The following HPS4 variants were observed in gnomAD, a reference collection of about 807,000 sequenced individuals.
HPS4 encodes HPS4 biogenesis of lysosomal organelles complex 3 subunit 2, also known as BLOC-3 complex member HPS4.
A neutral mutation model predicts 70.3 loss-of-function variants in HPS4; 44 were observed. That is an observed-to-expected ratio of 0.63 (90% CI 0.49 to 0.80). The LOEUF is 0.80. Ranked by LOEUF, HPS4 falls within the 30% of genes least tolerant of loss-of-function variation. The probability of loss-of-function intolerance (pLI) is 0.00; values close to 1 mark genes in which losing one functional copy is unlikely to be tolerated. For missense variants in HPS4, 873 were observed against 884.4 expected (o/e 0.99, Z 0.16); for synonymous variants, 377 against 355.9 (o/e 1.06, Z -0.67).
chr22:26,443,161 G>T, downstream of HPS4: 1 of 1,614,126 alleles, frequency 6.2e-7, no homozygotes, highest in Non-Finnish European at 8.5e-7. Flanking sequence ...ACGTCGCAGC[G>T]GCCGAACGGC....
intron 3 of HPS4, among the ~76,000 whole-genome samples, chr22:26,477,830 A>G (rs1397732770): frequency 6.6e-6 from 1 of 152,224 alleles, no homozygotes; most frequent in Non-Finnish European, 1.5e-5. Context: ...GGACATTCTA[A>G]CACTCTACTA....
At chr22:26,455,498 C>A (rs1342402461) in intron 13 of HPS4, among the ~76,000 whole-genome samples, 1 of 146,594 alleles carries the variant, frequency 6.8e-6, no homozygotes, top group Non-Finnish European at 1.5e-5. Context: ...AACCAAACAC[C>A]ACATGTTCTC....
In HPS4 at chr22:26,479,350, T is replaced by C. The variant is rs1156766201; in HGVS notation, c.47A>G (p.Asn16Ser). The change falls in exon 3 of 14, where the codon AAT becomes AGT. Residue 16 changes from asparagine to serine, a missense_variant. By Grantham distance (46) the Asn-to-Ser change is conservative. Transcript: ENST00000398145. The part of the protein sequence containing the change: ...STEAKSASWW[N>S]YFFLYDGSKV... Reference sequence around the variant, plus strand: ...GGAACCATCATAAAGAAAAAAATAATTCCACCTGGCAAGAGAACAGAGTGG... The same window carrying C: ...GGAACCATCATAAAGAAAAAAATAACTCCACCTGGCAAGAGAACAGAGTGG... 6.2e-7 allele frequency: 1 copy of C among 1,614,048 alleles called. No individual in the cohort carries two copies. The highest frequency in any genetic ancestry group is 1.7e-5 in the Admixed American group (1 of 60,000).
intron 11 of HPS4, among the ~76,000 whole-genome samples, chr22:26,461,211 T>G (rs569410416): frequency 9.8e-5 from 15 of 152,332 alleles, no homozygotes; most frequent in Admixed American, 2.0e-4. Context: ...GTTTCCCAGT[T>G]GGGGGAAGGT....
In HPS4 at chr22:26,451,546, T is replaced by A. The variant is rs3752588; in HGVS notation, c.*1687A>T. On this transcript the variant is annotated 3_prime_UTR_variant, in exon 14 of 14. Transcript: ENST00000398145. ...CATGAGACTTTTCCATATACACGGATAGGCTTTGTACGGTTCCATTTTGGG... is the reference window on the plus strand; with the variant it reads ...CATGAGACTTTTCCATATACACGGAAAGGCTTTGTACGGTTCCATTTTGGG... The A allele has an allele frequency of 6.6e-6, 1 of 152,168 alleles. No individual in the cohort carries two copies. Among genetic ancestry groups the A allele is most frequent in the African/African-American group, 2.4e-5 (1 of 41,434 alleles). The allele number at this position is 152,168 out of a possible 1,614,324, so 9.4% of individuals were successfully genotyped here.
At position 26,464,110 on chromosome 22, in the gene HPS4, T is replaced by A. The variant is rs763311479; in HGVS notation, c.1520A>T (p.Glu507Val). 15 of 1,614,254 alleles carry A rather than the reference T, an allele frequency of 9.3e-6. No homozygotes were observed. The highest frequency in any genetic ancestry group is 1.2e-5 in the Non-Finnish European group (14 of 1,180,042). ...VCESHAAPGL[E>V]CSSGSANCQG... is the part of the protein sequence containing the mutation. ...ACAGTTTGCTGAGCCTGAACTGCAT[T>A]CCAGACCAGGGGCTGCGTGGCTTTC... The change falls in exon 11 of 14, where the codon GAA (glutamate) becomes GTA (valine). Residue 507 changes from glutamate (E) to valine (V), a missense_variant. By Grantham distance (121) the Glu-to-Val change is moderately radical. Coordinates refer to ENST00000398145, the MANE Select transcript of HPS4 (RefSeq NM_022081.6).
downstream of HPS4, among the ~76,000 whole-genome samples, chr22:26,448,357 A>G (rs149650546): frequency 1.3e-5 from 2 of 152,378 alleles, no homozygotes; most frequent in African/African-American, 4.8e-5. Context: ...ATTTCCAGCA[A>G]TAAGTGGCAG....
At chr22:26,473,477 T>C (rs945809810) in intron 4 of HPS4, among the ~76,000 whole-genome samples, 1 of 152,152 alleles carries the variant, frequency 6.6e-6, no homozygotes, top group African/African-American at 2.4e-5. Flanking sequence ...CCACAGAAGA[T>C]AAATACTTGG....
rs2091330559 is a variant in HPS4, at chr22:26,481,980, C to T, written c.-218G>A. The stretch of plus-strand genomic sequence containing the variant: ...AGGTTCTTCAGTTTCATGTATATTT[C>T]CATGCCTCTTACAACTCAGGGAGAA... On this transcript the variant is annotated 5_prime_UTR_variant, in exon 2 of 14. Transcript: ENST00000398145. The T allele has an allele frequency of 1.7e-6, 1 of 579,186 alleles. No individual in the cohort carries two copies. The highest frequency in any genetic ancestry group is 3.0e-5 in the East Asian group (1 of 33,176). The allele number at this position is 579,186 out of a possible 1,614,324, so 35.9% of individuals were successfully genotyped here.
chr22:26,456,043 T>G (rs1274821482), intron 13 of HPS4, among the ~76,000 whole-genome samples: 2 of 152,174 alleles, frequency 1.3e-5, no homozygotes, highest in Non-Finnish European at 2.9e-5. Flanking sequence ...AGAAGACACA[T>G]TTCTGACAGA....
chr22:26,465,430 G>T (rs1197352898), intron 10 of HPS4, 25 bp downstream of exon 10: 4 of 1,545,628 alleles, frequency 2.6e-6, no homozygotes, highest in Non-Finnish European at 3.6e-6. Flanking sequence ...GTGGTGCAAG[G>T]TTAACTCTCT....
At chr22:26,474,151 A>C (rs1569109628) in intron 4 of HPS4, among the ~76,000 whole-genome samples, 1 of 152,266 alleles carries the variant, frequency 6.6e-6, no homozygotes, top group Non-Finnish European at 1.5e-5. Context: ...ATAAGGTTGG[A>C]GAACTTATAC....
At chr22:26,474,543 C>T (rs985800785) in intron 4 of HPS4, among the ~76,000 whole-genome samples, 1 of 151,816 alleles carries the variant, frequency 6.6e-6, no homozygotes. Flanking sequence ...TTTTTTCAGG[C>T]AAGACACAGA....
rs200254797 is a variant in HPS4, at chr22:26,470,772, C to A, written c.543G>T (p.Gln181His). 2.5e-6 allele frequency: 4 copies of A among 1,614,222 alleles called. No homozygotes were observed. The highest frequency in any genetic ancestry group is 4.5e-5 in the East Asian group (2 of 44,892). ...LLLLKAARILQTCQRSPHILA... is the reference protein window; with the variant it reads ...LLLLKAARILHTCQRSPHILA... ...GAATGTGAGGCGAGCGCTGGCAGGT[C>A]TGCAGAATGCGGGCTGCCTTCAGCA... Residue 181 changes from glutamine to histidine, a missense_variant, in exon 7 of 14, where the codon CAG (glutamine) becomes CAT (histidine). Physicochemically the swap from Gln to His is conservative, Grantham distance 24. Coordinates refer to ENST00000398145, the MANE Select transcript of HPS4 (RefSeq NM_022081.6).
downstream of HPS4, among the ~76,000 whole-genome samples, chr22:26,450,035 G>C (rs1193788775): frequency 6.6e-6 from 1 of 152,082 alleles, no homozygotes; most frequent in Non-Finnish European, 1.5e-5. Flanking sequence ...ATCTTCACGT[G>C]GCCTTCTCCA....
upstream of HPS4, chr22:26,483,820 C>A (rs547422864): frequency 1.6e-5 from 20 of 1,234,910 alleles, no homozygotes; most frequent in African/African-American, 2.9e-4. Context: ...ACCTCCCCCT[C>A]CAGCTCCTGG....
intron 10 of HPS4, among the ~76,000 whole-genome samples, chr22:26,465,254 G>A (rs2088294079): frequency 1.3e-5 from 2 of 152,216 alleles, no homozygotes; most frequent in African/African-American, 2.4e-5. Context: ...TAAGAGAGCT[G>A]GGATATGAAA....
Position 26,481,176 on chromosome 22 carries a change from T to C in HPS4, c.41+546A>G, listed in dbSNP as rs573995668. Among the ~76,000 whole-genome samples, 25 of 151,588 alleles carry C rather than the reference T, an allele frequency of 1.6e-4. 1 individual carries two copies. Among genetic ancestry groups the C allele is most frequent in the Admixed American group, 1.4e-3 (21 of 15,158 alleles). ...GTCATTTTGAACTGCTCCATCTTTT[T>C]GACTTCCACATAAATAATCAGTCAC... is the stretch of plus-strand genomic sequence containing the variant. On this transcript the variant is annotated intron_variant, in intron 2 of 13. Coordinates refer to ENST00000398145, the MANE Select transcript of HPS4 (RefSeq NM_022081.6).
chr22:26,482,652 G>C (rs1422355976), intron 1 of HPS4: 1 of 152,188 alleles, frequency 6.6e-6, no homozygotes, highest in Non-Finnish European at 1.5e-5. Context: ...ACTTCCACAA[G>C]AGAAAGACAG....
Sources: allele counts gnomAD v4.1 joint callset (sites outside exome capture counted in the v4.1 genomes callset), GRCh38; gene constraint gnomAD v4.1.1; transcripts MANE v1.5; gene names NCBI Gene and HGNC (gene_info 2026-07-23, HGNC 2026-07-21).